The following ASB5 variants were observed in gnomAD, a reference collection of about 807,000 sequenced individuals.
The protein encoded by ASB5 is ankyrin repeat and SOCS box containing 5.
A neutral mutation model predicts 42.1 loss-of-function variants in ASB5; 45 were observed. The ratio of observed to expected loss-of-function variants is 1.07; its 90% CI spans 0.84 to 1.37. The LOEUF (loss-of-function observed/expected upper bound fraction) is 1.37, where lower values mean the gene tolerates loss of function less well. ASB5 is among the 40% of genes most tolerant of loss of function. ASB5 has a pLI of 0.00. For missense variants in ASB5, 402 were observed against 399.8 expected (o/e 1.01, Z -0.05); for synonymous variants, 147 against 150.6 (o/e 0.98, Z 0.18).
chr4:176,264,534 A>T (rs73009206), intron 1 of ASB5, among the ~76,000 whole-genome samples: 1 of 152,150 alleles, frequency 6.6e-6, no homozygotes, highest in Non-Finnish European at 1.5e-5. Context: ...AATGAAAAGA[A>T]TACATTAAAT....
chr4:176,268,952 T>C lies in ASB5; in HGVS notation c.157A>G (p.Arg53Gly). 6.2e-7 allele frequency: 1 copy of C among 1,613,172 alleles called. No homozygotes were observed. The highest frequency in any genetic ancestry group is 8.5e-7 in the Non-Finnish European group (1 of 1,179,552). Residue 53 changes from arginine (R) to glycine (G), a missense_variant, in exon 1 of 7, where the codon AGG (arginine) becomes GGG (glycine). Coordinates refer to ENST00000296525, the MANE Select transcript of ASB5 (RefSeq NM_080874.4). ...IVKGNRKEAA[R>G]IAAEFYGVTQ... The stretch of plus-strand genomic sequence containing the variant: ...ACTCCATAAAATTCAGCTGCTATCC[T>C]TGCCGCTTCCTTGCGGTTGCCTTTC...
rs5864369 is a variant in ASB5, at chr4:176,264,041, CAA to C, written c.196+4870_196+4871del. ...TTCCAAGTGTCTACCACAGACTTGACAAAAAAAAAAAAAATTGCATGAGTAAT... is the reference window on the plus strand; with the variant it reads ...TTCCAAGTGTCTACCACAGACTTGACAAAAAAAAAAAATTGCATGAGTAAT... On this transcript the variant is annotated intron_variant, in intron 1 of 6. Coordinates refer to ENST00000296525, the MANE Select transcript of ASB5 (RefSeq NM_080874.4). Among the ~76,000 whole-genome samples the C allele has an allele frequency of 4.3e-3, 568 of 132,678 alleles. 5 individuals carry two copies. The highest frequency in any genetic ancestry group is 7.0e-3 in the Admixed American group (93 of 13,310). The allele number at this position is 132,678 out of a possible 152,430, so 87.0% of individuals were successfully genotyped here.
intron 1 of ASB5, among the ~76,000 whole-genome samples, chr4:176,245,100 C>T (rs990792028): frequency 2.6e-5 from 4 of 152,176 alleles, no homozygotes; most frequent in South Asian, 4.1e-4. Context: ...TGATGAGATA[C>T]GTTATGAAGC....
At chr4:176,237,286 A>G in intron 1 of ASB5, 1 of 985,854 alleles carries the variant, frequency 1.0e-6, no homozygotes, top group Non-Finnish European at 1.2e-6. Context: ...AATGGCTGCT[A>G]TACTAACCTT....
chr4:176,215,472 T>G lies in ASB5; in HGVS notation c.*128A>C. The G allele has an allele frequency of 1.1e-6, 1 of 929,228 alleles. No individual in the cohort carries two copies. Among genetic ancestry groups the G allele is most frequent in the East Asian group, 2.7e-5 (1 of 36,582 alleles). The allele number at this position is 929,228 out of a possible 1,614,324, so 57.6% of individuals were successfully genotyped here. A position where few individuals can be genotyped will look rare whatever the true frequency, so the allele number is the denominator to read the frequency against. ...TACACTTAAAATGAAAATTGATATTTTACTGCTTCCCTGGGTGATCTCACA... is the reference window on the plus strand; with the variant it reads ...TACACTTAAAATGAAAATTGATATTGTACTGCTTCCCTGGGTGATCTCACA... On this transcript the variant is annotated 3_prime_UTR_variant, in exon 7 of 7. Coordinates refer to ENST00000296525, the MANE Select transcript of ASB5 (RefSeq NM_080874.4).
intron 1 of ASB5, among the ~76,000 whole-genome samples, chr4:176,245,955 G>A (rs1341694216): frequency 6.6e-6 from 1 of 151,962 alleles, no homozygotes; most frequent in Non-Finnish European, 1.5e-5. Flanking sequence ...TAAATGATGA[G>A]TTAACGGGTG....
At chr4:176,221,834 T>C (rs1753221358) in intron 3 of ASB5, among the ~76,000 whole-genome samples, 2 of 152,110 alleles carry the variant, frequency 1.3e-5, no homozygotes, top group Admixed American at 1.3e-4. Flanking sequence ...GTGGAAATCA[T>C]GAAAAAATGC....
chr4:176,215,403 G>T lies in ASB5; in HGVS notation c.*197C>A. 1 of 408,814 alleles carries T rather than the reference G, an allele frequency of 2.4e-6. No homozygotes were observed. Among genetic ancestry groups the T allele is most frequent in the Non-Finnish European group, 4.2e-6 (1 of 238,744 alleles). The allele number at this position is 408,814 out of a possible 1,614,324, so 25.3% of individuals were successfully genotyped here. A position where few individuals can be genotyped will look rare whatever the true frequency, so the allele number is the denominator to read the frequency against. Reference sequence around the variant, plus strand: ...AACAAAAAATAGATATTATAAATATGCTATAATCCAAAGACAGCATAAATG... The same window carrying T: ...AACAAAAAATAGATATTATAAATATTCTATAATCCAAAGACAGCATAAATG... On this transcript the variant is annotated 3_prime_UTR_variant, in exon 7 of 7. Coordinates refer to ENST00000296525, the MANE Select transcript of ASB5 (RefSeq NM_080874.4).
chr4:176,265,620 A>T (rs1380525886), intron 1 of ASB5, among the ~76,000 whole-genome samples: 1 of 152,210 alleles, frequency 6.6e-6, no homozygotes, highest in Non-Finnish European at 1.5e-5. Flanking sequence ...TTAACAGAAG[A>T]GAAGAGCTGC....
intron 1 of ASB5, among the ~76,000 whole-genome samples, chr4:176,238,091 G>C (rs556751793): frequency 6.6e-6 from 1 of 151,858 alleles, no homozygotes; most frequent in Non-Finnish European, 1.5e-5. Context: ...ACATAGGGAC[G>C]GGGCGCCTGT....
At chr4:176,219,187 TATAA>T (rs1225012222) in intron 5 of ASB5, among the ~76,000 whole-genome samples, 4 of 120,678 alleles carry the variant, frequency 3.3e-5, no homozygotes, top group Non-Finnish European at 4.7e-5. Flanking sequence ...TTGTATGACA[TATAA>T]ATATATATAT....
chr4:176,251,089 G>T (rs1419819145), intron 1 of ASB5, among the ~76,000 whole-genome samples: 1 of 151,884 alleles, frequency 6.6e-6, no homozygotes, highest in Non-Finnish European at 1.5e-5. Context: ...CCATGGACAA[G>T]GACTTCATGT....
chr4:176,253,913 A>G (rs762091524), intron 1 of ASB5, among the ~76,000 whole-genome samples: 1 of 152,214 alleles, frequency 6.6e-6, no homozygotes, highest in Admixed American at 6.5e-5. Flanking sequence ...GTCATCATAG[A>G]TGATCCAAAC....
chr4:176,240,867 C>T (rs1380824157), intron 1 of ASB5, among the ~76,000 whole-genome samples: 1 of 152,130 alleles, frequency 6.6e-6, no homozygotes, highest in Non-Finnish European at 1.5e-5. Context: ...ATTGTTCCTC[C>T]ATTGTCAGAA....
chr4:176,276,167 G>A (rs1445206816), intron 1 of ASB5, among the ~76,000 whole-genome samples: 1 of 152,138 alleles, frequency 6.6e-6, no homozygotes, highest in Non-Finnish European at 1.5e-5. Flanking sequence ...TACTTCACAT[G>A]TTGGGAGGTT....
chr4:176,266,600 T>C (rs1011184818), intron 1 of ASB5, among the ~76,000 whole-genome samples: 21 of 152,262 alleles, frequency 1.4e-4, no homozygotes, highest in Middle Eastern at 3.4e-3. Flanking sequence ...AGGTACCTGA[T>C]TTGCTCTCTT....
chr4:176,255,458 C>T (rs1488955453), intron 1 of ASB5, among the ~76,000 whole-genome samples: 1 of 152,170 alleles, frequency 6.6e-6, no homozygotes, highest in African/African-American at 2.4e-5. Context: ...GTGGATTCAA[C>T]CTAGATGCTC....
At chr4:176,272,118 G>A (rs557890803), upstream of ASB5, among the ~76,000 whole-genome samples, 1 of 152,312 alleles carries the variant, frequency 6.6e-6, no homozygotes, top group Admixed American at 6.5e-5. Context: ...AATAAAGAAA[G>A]AGGGGCTAAT....
At chr4:176,227,497 C>A (rs939158775) in intron 1 of ASB5, among the ~76,000 whole-genome samples, 2 of 152,106 alleles carry the variant, frequency 1.3e-5, no homozygotes, top group African/African-American at 2.4e-5. Flanking sequence ...TTAATGATAA[C>A]CTGATTGCCT....
Sources: allele counts gnomAD v4.1 joint callset (sites outside exome capture counted in the v4.1 genomes callset), GRCh38; gene constraint gnomAD v4.1.1; transcripts MANE v1.5; gene names NCBI Gene and HGNC (gene_info 2026-07-23, HGNC 2026-07-21).